The following LRP6 variants were observed in gnomAD, a reference collection of about 807,000 sequenced individuals.
LRP6 encodes the protein LDL receptor related protein 6.
In LRP6, 43 loss-of-function variants were observed where a neutral mutation model predicts 184.1. The observed-to-expected ratio is 0.23, with a 90% CI of 0.18 to 0.30. The LOEUF is 0.30. Ranked by LOEUF, LRP6 falls within the 10% of genes least tolerant of loss-of-function variation. The pLI is 1.00. For synonymous variants in LRP6, 719 were observed against 684.9 expected (o/e 1.05, Z -0.78); for missense variants, 1,571 against 2,005.3 (o/e 0.78, Z 4.14).
intron 18 of LRP6, 131 bp from the exon 19 acceptor site, chr12:12,131,024 T>C: frequency 1.5e-6 from 1 of 650,336 alleles, no homozygotes; most frequent in Non-Finnish European, 2.8e-6. Context: ...TTAAATATTA[T>C]TCTCTGGAGT....
chr12:12,117,082 C>CA lies in LRP6; in HGVS notation c.*4043dup. On this transcript the variant is annotated 3_prime_UTR_variant, in exon 23 of 23. Coordinates refer to ENST00000261349, the MANE Select transcript of LRP6 (RefSeq NM_002336.3). ...TATAAAATGGTGCCATCCCAAAAGT[C>CA]AGAAGCCACACATGCACTACAAGTA... 1 of 152,200 alleles carries CA rather than the reference C, an allele frequency of 6.6e-6. No individual in the cohort carries two copies. The highest frequency in any genetic ancestry group is 1.5e-5 in the Non-Finnish European group (1 of 68,034). The allele number at this position is 152,200 out of a possible 1,614,324, so 9.4% of individuals were successfully genotyped here. A position where few individuals can be genotyped will look rare whatever the true frequency, so the allele number is the denominator to read the frequency against.
intron 19 of LRP6, among the ~76,000 whole-genome samples, chr12:12,130,236 G>C (rs1949730190): frequency 6.7e-6 from 1 of 150,342 alleles, no homozygotes; most frequent in Non-Finnish European, 1.5e-5. Flanking sequence ...GCCTAGGCTA[G>C]AGTGCAATGG....
chr12:12,119,003 C>T lies in LRP6; in HGVS notation c.*2123G>A, dbSNP rs1195812755. ...CAGGTATTGCTAACCTTTCCATCTTCATTTAAGCATCAAGTGCCCTGTGTA... is the reference window on the plus strand; with the variant it reads ...CAGGTATTGCTAACCTTTCCATCTTTATTTAAGCATCAAGTGCCCTGTGTA... On this transcript the variant is annotated 3_prime_UTR_variant, in exon 23 of 23. Coordinates refer to ENST00000261349, the MANE Select transcript of LRP6 (RefSeq NM_002336.3). The T allele has an allele frequency of 6.6e-6, 1 of 152,208 alleles. No homozygotes were observed. The highest frequency in any genetic ancestry group is 1.9e-4 in the East Asian group (1 of 5,198). The allele number at this position is 152,208 out of a possible 1,614,324, so 9.4% of individuals were successfully genotyped here.
chr12:12,197,499 T>G (rs563616862), intron 3 of LRP6, among the ~76,000 whole-genome samples: 1 of 152,178 alleles, frequency 6.6e-6, no homozygotes, highest in Non-Finnish European at 1.5e-5. Flanking sequence ...ACAAACACAG[T>G]TGGGTACATA....
At chr12:12,220,708 C>G (rs1046391573) in intron 2 of LRP6, among the ~76,000 whole-genome samples, 1 of 151,614 alleles carries the variant, frequency 6.6e-6, no homozygotes, top group African/African-American at 2.4e-5. Context: ...AAGCGATCCT[C>G]TCACCTCAGC....
intron 19 of LRP6, among the ~76,000 whole-genome samples, 174 bp downstream of exon 19, chr12:12,130,607 CTA>C (rs1391996583): frequency 5.3e-5 from 8 of 152,242 alleles, no homozygotes; most frequent in Non-Finnish European, 7.4e-5. Flanking sequence ...AAGAAAACTG[CTA>C]TGTTTAAAGA....
intron 3 of LRP6, among the ~76,000 whole-genome samples, chr12:12,190,738 AC>A (rs748204774): frequency 6.6e-6 from 1 of 152,180 alleles, no homozygotes; most frequent in Non-Finnish European, 1.5e-5. Flanking sequence ...CTTTAATCAT[AC>A]CACAGGACTG....
chr12:12,176,230 T>C (rs1317882454), intron 7 of LRP6, among the ~76,000 whole-genome samples: 1 of 152,184 alleles, frequency 6.6e-6, no homozygotes, highest in East Asian at 1.9e-4. Flanking sequence ...AGAAGTACTG[T>C]GCAGACAAGT....
intron 3 of LRP6, among the ~76,000 whole-genome samples, chr12:12,192,394 A>C (rs1298239077): frequency 2.0e-5 from 3 of 151,916 alleles, no homozygotes; most frequent in Non-Finnish European, 2.9e-5. Flanking sequence ...AAAAAAAAAA[A>C]AACACTAAAA....
At position 12,180,084 on chromosome 12, in the gene LRP6, G is replaced by GT. The variant is rs1292227672; in HGVS notation, c.1374-104dup. On this transcript the variant is annotated intron_variant, in intron 6 of 22. Coordinates refer to ENST00000261349, the MANE Select transcript of LRP6 (RefSeq NM_002336.3). ...CCCTCCTATTACACTGGTATCATCA[G>GT]TTAATGCCAAGGAAGGGGAAAAAAA... 7 of 850,814 alleles carry GT rather than the reference G, an allele frequency of 8.2e-6. No individual in the cohort carries two copies. The African/African-American group carries it at 1.0e-4, about 13-fold the overall frequency. 52.7% of individuals were successfully genotyped at this position (850,814 alleles called of 1,614,324 possible).
rs1949873217 is a variant in LRP6, at chr12:12,138,184, G to C, written c.3607+141C>G. On this transcript the variant is annotated intron_variant, in intron 16 of 22. Coordinates refer to ENST00000261349, the MANE Select transcript of LRP6 (RefSeq NM_002336.3). ...AGACTCCGTCTCCAAAAAAAAAAAA[G>C]CATGGAGAGTTCAAAAAAATGGCAA... is the stretch of plus-strand genomic sequence containing the variant. 3 of 718,206 alleles carry C rather than the reference G, an allele frequency of 4.2e-6. No individual in the cohort carries two copies. The Admixed American group carries it at 7.2e-5, about 17-fold the overall frequency. 44.5% of individuals were successfully genotyped at this position (718,206 alleles called of 1,614,324 possible). A position where few individuals can be genotyped will look rare whatever the true frequency, so the allele number is the denominator to read the frequency against.
chr12:12,186,431 T>A (rs1294885723), intron 4 of LRP6, among the ~76,000 whole-genome samples: 1 of 152,058 alleles, frequency 6.6e-6, no homozygotes, highest in East Asian at 1.9e-4. Flanking sequence ...CAGGCTGGAG[T>A]GCAGTGGCAC....
chr12:12,201,067 A>G (rs572649993), intron 3 of LRP6, among the ~76,000 whole-genome samples: 40 of 152,296 alleles, frequency 2.6e-4, no homozygotes, highest in African/African-American at 9.1e-4. Context: ...TAGTTTTTCT[A>G]ACGTCACAGA....
chr12:12,213,640 T>C (rs1167209548), intron 2 of LRP6, among the ~76,000 whole-genome samples: 1 of 152,130 alleles, frequency 6.6e-6, no homozygotes, highest in Non-Finnish European at 1.5e-5. Context: ...TTAAAAATTT[T>C]TATCCATCTA....
intron 2 of LRP6, among the ~76,000 whole-genome samples, chr12:12,214,040 C>A (rs1864279224): frequency 6.6e-6 from 1 of 152,096 alleles, no homozygotes. Flanking sequence ...TATTTATCAT[C>A]TTCTCTTAGA....
intron 2 of LRP6, chr12:12,210,956 T>C (rs1027207984): frequency 6.6e-5 from 10 of 152,152 alleles, no homozygotes; most frequent in East Asian, 1.9e-4. Flanking sequence ...TGCTTCCTAA[T>C]AGAAGTGAAA....
intron 7 of LRP6, among the ~76,000 whole-genome samples, chr12:12,174,281 T>C (rs1044420420): frequency 3.3e-5 from 5 of 152,110 alleles, no homozygotes; most frequent in Non-Finnish European, 7.3e-5. Context: ...TTGGCTAATT[T>C]TTGTATTTTT....
chr12:12,179,371 TATAGATATAG>T (rs78796152), intron 7 of LRP6, among the ~76,000 whole-genome samples: 51,315 of 123,576 alleles, frequency 0.42, 10,151 homozygotes, highest in East Asian at 0.71. Context: ...AAGATATAGA[TATAGATATAG>T]ATATAGATAT....
intron 1 of LRP6, 59 bp from the exon 2 acceptor site, chr12:12,244,714 A>G (rs1391544248): frequency 1.9e-6 from 3 of 1,563,026 alleles, no homozygotes; most frequent in Non-Finnish European, 2.6e-6. Context: ...TGGTTCTTAT[A>G]AACTGCGTTT....
Sources: gnomAD v4.1 joint callset for allele counts (sites outside exome capture counted in the v4.1 genomes callset) on GRCh38, gnomAD v4.1.1 for gene constraint, MANE v1.5 for transcripts, NCBI Gene and HGNC (gene_info 2026-07-23, HGNC 2026-07-21) for gene names.